DPF3: variants seen among roughly 807,000 people sequenced by gnomAD.
DPF3 encodes the protein double PHD fingers 3, also known as zinc finger protein DPF3.
In DPF3, 18 loss-of-function variants were observed where a neutral mutation model predicts 56.8. The observed-to-expected ratio is 0.32, with a 90% confidence interval of 0.22 to 0.47. The LOEUF (loss-of-function observed/expected upper bound fraction) is 0.47. Among genes scored for constraint, DPF3 ranks in the 20% least tolerant of loss-of-function variants. The pLI, the probability that DPF3 is intolerant of heterozygous loss-of-function variation, is 1.00. For missense variants in DPF3, 403 were observed against 488.8 expected, an observed-to-expected ratio of 0.82 and a Z score of 1.65; for synonymous variants, 188 against 180.2, an observed-to-expected ratio of 1.04 and a Z score of -0.35.
intron 3 of DPF3, among the ~76,000 whole-genome samples, chr14:72,746,480 C>T (rs1229842278): frequency 6.6e-6 from 1 of 152,212 alleles, no homozygotes; most frequent in Admixed American, 6.5e-5. Context: ...GGGGTTGTTT[C>T]TGTGTTTTTA....
At position 72,779,900 on chromosome 14, in the gene DPF3, C is replaced by T. The variant is rs1353614649; in HGVS notation, c.33-8007G>A. 3.9e-5 allele frequency among the ~76,000 whole-genome samples: 6 copies of T among 152,320 alleles called. No individual in the cohort carries two copies. In the South Asian group the frequency reaches 8.3e-4, roughly 21 times the overall value. ...CCCAGGACAGAAGGCCTCTGGGTCA[C>T]CAAGGCTGAGCCTCAGGCATCCAGG... On this transcript the variant is annotated intron_variant, in intron 1 of 10. Coordinates refer to ENST00000556509, the MANE Select transcript of DPF3 (RefSeq NM_001280542.3).
At chr14:72,767,420 T>C (rs1292780255) in intron 2 of DPF3, among the ~76,000 whole-genome samples, 1 of 152,112 alleles carries the variant, frequency 6.6e-6, no homozygotes, top group East Asian at 1.9e-4. Context: ...ATAAAACACA[T>C]TCAGCAAAGA....
intron 3 of DPF3, among the ~76,000 whole-genome samples, chr14:72,748,810 G>A (rs2098194): frequency 0.01 from 1,578 of 152,220 alleles, 23 homozygotes; most frequent in African/African-American, 0.036. Flanking sequence ...TCCATGTGGT[G>A]TTGAGCCTGT....
chr14:72,821,003 A>G (rs1883506791), intron 1 of DPF3, among the ~76,000 whole-genome samples: 1 of 151,906 alleles, frequency 6.6e-6, no homozygotes, highest in South Asian at 2.1e-4. Flanking sequence ...GTGGTGGCAC[A>G]TATGTTTGTA....
At chr14:72,738,923 C>T (rs1890013307) in intron 3 of DPF3, among the ~76,000 whole-genome samples, 1 of 151,872 alleles carries the variant, frequency 6.6e-6, no homozygotes, top group Non-Finnish European at 1.5e-5. Context: ...CTTAATAAAG[C>T]TCGGAGGGAA....
intron 7 of DPF3, chr14:72,679,227 G>T (rs1372928020): frequency 3.9e-5 from 6 of 152,234 alleles, no homozygotes; most frequent in South Asian, 4.1e-4. Flanking sequence ...AGAATGACTG[G>T]CAGGGACAAA....
At chr14:72,753,138 G>T in intron 3 of DPF3, 126 bp downstream of exon 3, 2 of 751,318 alleles carry the variant, frequency 2.7e-6, no homozygotes, top group Middle Eastern at 3.6e-4. Flanking sequence ...GCATGATGTG[G>T]GCATGTTCCC....
Position 72,731,653 on chromosome 14 carries a change from A to C in DPF3, c.429+154T>G. On this transcript the variant is annotated intron_variant, in intron 4 of 10. Coordinates refer to ENST00000556509, the MANE Select transcript of DPF3 (RefSeq NM_001280542.3). ...GGAAGATAGGTTAAGTCAGAAAAGA[A>C]TTTGGGAGCTTCCTGGCCACCATAG... 12 of 1,041,650 alleles carry C rather than the reference A, an allele frequency of 1.2e-5. No homozygotes were observed. The South Asian group carries it at 2.0e-4, about 18-fold the overall frequency. 64.5% of individuals were successfully genotyped at this position (1,041,650 alleles called of 1,614,324 possible).
At chr14:72,672,902 A>G (rs766160941) in intron 8 of DPF3, among the ~76,000 whole-genome samples, 1 of 152,070 alleles carries the variant, frequency 6.6e-6, no homozygotes, top group Non-Finnish European at 1.5e-5. Flanking sequence ...CACTGCATTG[A>G]ATTTCATCTG....
chr14:72,782,563 G>A (rs561003282), intron 1 of DPF3, among the ~76,000 whole-genome samples: 11 of 152,242 alleles, frequency 7.2e-5, no homozygotes, highest in African/African-American at 1.2e-4. Flanking sequence ...GGCTGGGCAC[G>A]GTGGCCCACG....
At chr14:72,680,680 C>A (rs75054747) in intron 7 of DPF3, among the ~76,000 whole-genome samples, 2 of 152,240 alleles carry the variant, frequency 1.3e-5, no homozygotes, top group Non-Finnish European at 2.9e-5. Context: ...CACTCCGCAC[C>A]GTCAAGGACA....
intron 8 of DPF3, chr14:72,670,476 G>A: frequency 1.0e-6 from 1 of 986,010 alleles, no homozygotes; most frequent in Non-Finnish European, 1.2e-6. Flanking sequence ...CAGAGAGGAA[G>A]ATGGAAAGGT....
chr14:72,688,658 TC>T (rs1269201972), intron 7 of DPF3, among the ~76,000 whole-genome samples: 1 of 152,218 alleles, frequency 6.6e-6, no homozygotes, highest in East Asian at 1.9e-4. Flanking sequence ...AGTCCTATCC[TC>T]CCCAGCTGCC....
chr14:72,640,117 A>ATATAAGG lies in DPF3; in HGVS notation c.872-10388_872-10382dup, dbSNP rs1052620144. Among the ~76,000 whole-genome samples the ATATAAGG allele has an allele frequency of 6.0e-5, 9 of 150,556 alleles. No individual in the cohort carries two copies. In the South Asian group the frequency reaches 6.3e-4, roughly 11 times the overall value. On this transcript the variant is annotated intron_variant, in intron 8 of 10. Transcript: ENST00000556509. ...TTACAGGGAAAGGCAACAGCAGGAA[A>ATATAAGG]TATAAGGTGCATGGTCCACTCAGGC...
intron 8 of DPF3, among the ~76,000 whole-genome samples, chr14:72,632,996 G>A (rs933132765): frequency 2.0e-4 from 30 of 152,190 alleles, no homozygotes. Context: ...CAGCTACCAG[G>A]AGAGATACAA....
intron 1 of DPF3, among the ~76,000 whole-genome samples, chr14:72,839,109 C>T (rs1375508528): frequency 2.6e-5 from 4 of 151,046 alleles, no homozygotes; most frequent in East Asian, 2.0e-4. Flanking sequence ...TTAGTAGAGA[C>T]GGGGCTTCGC....
chr14:72,669,244 T>A (rs959134935), intron 8 of DPF3, among the ~76,000 whole-genome samples: 1 of 152,154 alleles, frequency 6.6e-6, no homozygotes, highest in African/African-American at 2.4e-5. Flanking sequence ...TTCATGAGGA[T>A]CTGCAGGGGC....
chr14:72,767,277 T>C (rs934982697), intron 2 of DPF3, among the ~76,000 whole-genome samples: 3 of 152,136 alleles, frequency 2.0e-5, no homozygotes, highest in Non-Finnish European at 4.4e-5. Context: ...ACTCATCTTA[T>C]GAAGAACCAG....
chr14:72,713,250 T>C (rs1279632522), intron 6 of DPF3, among the ~76,000 whole-genome samples: 1 of 152,112 alleles, frequency 6.6e-6, no homozygotes, highest in Admixed American at 6.5e-5. Context: ...CTGCATGGAG[T>C]ATTAAGCAGC....
Sources: allele counts gnomAD v4.1 joint callset (sites outside exome capture counted in the v4.1 genomes callset), GRCh38; gene constraint gnomAD v4.1.1; transcripts MANE v1.5; gene names NCBI Gene and HGNC (gene_info 2026-07-23, HGNC 2026-07-21).